The following ENTREP2 variants were observed in gnomAD, a reference collection of about 807,000 sequenced individuals.
ENTREP2 encodes the protein endosomal transmembrane epsin interactor 2, also known as protein ENTREP2.
chr15:29,579,317 A>G, the ENTREP2 span, among the ~76,000 whole-genome samples: 1 of 152,218 alleles, frequency 6.6e-6, no homozygotes, highest in African/African-American at 2.4e-5. Context: ...TGATTGGCCC[A>G]CATTTTTATA....
the ENTREP2 span, among the ~76,000 whole-genome samples, chr15:29,258,876 TA>T: frequency 6.6e-6 from 1 of 152,236 alleles, no homozygotes; most frequent in Non-Finnish European, 1.5e-5. Flanking sequence ...ACTTATAGCA[TA>T]ATGTCTTCAA....
the ENTREP2 span, chr15:29,234,464 C>G: frequency 6.7e-7 from 1 of 1,486,520 alleles, no homozygotes; most frequent in Admixed American, 1.7e-5. Flanking sequence ...AGCTCTTGTG[C>G]CCAGCATTCG....
chr15:29,471,182 C>G, the ENTREP2 span, among the ~76,000 whole-genome samples: 1 of 152,196 alleles, frequency 6.6e-6, no homozygotes, highest in Admixed American at 6.5e-5. Context: ...CTGGGCCCCA[C>G]CTTCATCCAG....
At chr15:29,588,509 G>A in the ENTREP2 span, among the ~76,000 whole-genome samples, 8 of 116,840 alleles carry the variant, frequency 6.8e-5, no homozygotes, top group African/African-American at 3.2e-4. Context: ...AGAGAGAGAG[G>A]GAGGGAGGGA....
At chr15:29,514,872 G>GAGGCACTTGTC in the ENTREP2 span, among the ~76,000 whole-genome samples, 1 of 152,184 alleles carries the variant, frequency 6.6e-6, no homozygotes, top group Non-Finnish European at 1.5e-5. Context: ...TCTGTTTTCA[G>GAGGCACTTGTC]AGGCACTTGT....
chr15:29,569,384 T>C, the ENTREP2 span: 1 of 152,226 alleles, frequency 6.6e-6, no homozygotes, highest in East Asian at 1.9e-4. Context: ...AAGACCATTA[T>C]GAAATAAACA....
the ENTREP2 span, among the ~76,000 whole-genome samples, chr15:29,656,046 A>AAC: frequency 1.4e-4 from 21 of 150,530 alleles, no homozygotes; most frequent in African/African-American, 5.2e-4. Flanking sequence ...AAAAAAAACA[A>AAC]CTATGTAGGC....
At chr15:29,169,658 A>G in the ENTREP2 span, among the ~76,000 whole-genome samples, 1 of 152,246 alleles carries the variant, frequency 6.6e-6, no homozygotes, top group Non-Finnish European at 1.5e-5. Context: ...TATTAATGGA[A>G]TTCACTACAT....
chr15:29,331,432 C>T, the ENTREP2 span, among the ~76,000 whole-genome samples: 1 of 152,082 alleles, frequency 6.6e-6, no homozygotes, highest in Non-Finnish European at 1.5e-5. Context: ...TGTCCGGGGC[C>T]TCTCGATGGG....
the ENTREP2 span, among the ~76,000 whole-genome samples, chr15:29,189,076 C>T: frequency 6.6e-6 from 1 of 152,184 alleles, no homozygotes; most frequent in Admixed American, 6.5e-5. Context: ...GGAAGTAAAG[C>T]CTTTCCGTGG....
the ENTREP2 span, among the ~76,000 whole-genome samples, chr15:29,638,131 G>T: frequency 0.046 from 7,034 of 152,298 alleles, 187 homozygotes; most frequent in South Asian, 0.066. Flanking sequence ...GAAGGGGAAA[G>T]GGAAATCAAA....
At chr15:29,351,163 T>C in the ENTREP2 span, among the ~76,000 whole-genome samples, 27 of 152,328 alleles carry the variant, frequency 1.8e-4, no homozygotes, top group Non-Finnish European at 3.2e-4. Context: ...CTAGGCTATA[T>C]GGTGTAGCCT....
the ENTREP2 span, among the ~76,000 whole-genome samples, chr15:29,384,731 C>A: frequency 2.6e-5 from 4 of 152,132 alleles, no homozygotes; most frequent in African/African-American, 9.7e-5. Flanking sequence ...CAGCCCCCAT[C>A]TTCCAGCACT....
At chr15:29,217,805 T>A in the ENTREP2 span, among the ~76,000 whole-genome samples, 1 of 152,148 alleles carries the variant, frequency 6.6e-6, no homozygotes, top group East Asian at 1.9e-4. Context: ...ACTAGTGTGA[T>A]TTTTTGGGGG....
chr15:29,278,008 G>A, the ENTREP2 span, among the ~76,000 whole-genome samples: 1 of 151,778 alleles, frequency 6.6e-6, no homozygotes, highest in African/African-American at 2.4e-5. Context: ...AAGACCCCAT[G>A]TATACATAAC....
chr15:29,566,081 G>A, the ENTREP2 span, among the ~76,000 whole-genome samples: 1 of 152,186 alleles, frequency 6.6e-6, no homozygotes, highest in Non-Finnish European at 1.5e-5. Context: ...AATGTTGGTG[G>A]TCTATGGGTA....
chr15:29,670,762 G>T, the ENTREP2 span, among the ~76,000 whole-genome samples: 17 of 152,356 alleles, frequency 1.1e-4, no homozygotes, highest in South Asian at 1.2e-3. Flanking sequence ...ACCATGAGCT[G>T]CCCAGGGCCT....
the ENTREP2 span, among the ~76,000 whole-genome samples, chr15:29,458,696 T>C: frequency 5.3e-5 from 8 of 152,186 alleles, no homozygotes; most frequent in South Asian, 2.1e-4. Flanking sequence ...TCATAGCTAA[T>C]AGTACATTTT....
At chr15:29,332,436 A>G in the ENTREP2 span, among the ~76,000 whole-genome samples, 1 of 151,970 alleles carries the variant, frequency 6.6e-6, no homozygotes. Flanking sequence ...TTCAAAGAGA[A>G]AAAAAAAGGA....
Sources: allele counts gnomAD v4.1 joint callset (sites outside exome capture counted in the v4.1 genomes callset), GRCh38; gene constraint gnomAD v4.1.1; transcripts MANE v1.5; gene names NCBI Gene and HGNC (gene_info 2026-07-23, HGNC 2026-07-21).